TAS2R1: variants seen among roughly 807,000 people sequenced by gnomAD.
The protein encoded by TAS2R1 is taste receptor type 2 member 1.
For synonymous variants in TAS2R1, 141 were observed against 134.2 expected (o/e 1.05, Z -0.35); for missense variants, 370 against 353.4 (o/e 1.05, Z -0.38).
the TAS2R1 span, among the ~76,000 whole-genome samples, chr5:9,751,064 G>A: frequency 6.6e-6 from 1 of 151,476 alleles, no homozygotes; most frequent in Non-Finnish European, 1.5e-5. Context: ...CTGGAGTCAG[G>A]AGCTGGATGT....
chr5:9,759,354 A>G, the TAS2R1 span, among the ~76,000 whole-genome samples: 1 of 151,912 alleles, frequency 6.6e-6, no homozygotes. Context: ...CAGGATGCAC[A>G]CTCTTTGAGG....
At chr5:9,669,546 A>G (rs918882009) in intron 1 of TAS2R1, among the ~76,000 whole-genome samples, 1 of 152,170 alleles carries the variant, frequency 6.6e-6, no homozygotes, top group African/African-American at 2.4e-5. Flanking sequence ...AACAACCAAA[A>G]TTATACCAAA....
chr5:9,902,982 T>C, the TAS2R1 span, among the ~76,000 whole-genome samples: 1 of 152,012 alleles, frequency 6.6e-6, no homozygotes, highest in East Asian at 1.9e-4. Context: ...TAAGTGTATA[T>C]ATTTCTGGTG....
At chr5:9,727,194 A>T in the TAS2R1 span, among the ~76,000 whole-genome samples, 2 of 152,194 alleles carry the variant, frequency 1.3e-5, no homozygotes, top group African/African-American at 4.8e-5. Context: ...TTTCTTCCTC[A>T]TTCCATCCTT....
chr5:9,679,168 G>A (rs1177798630), intron 1 of TAS2R1, among the ~76,000 whole-genome samples: 1 of 152,166 alleles, frequency 6.6e-6, no homozygotes, highest in African/African-American at 2.4e-5. Flanking sequence ...AAAGTATAAG[G>A]ATGGTAAAAT....
chr5:9,743,258 T>C, the TAS2R1 span, among the ~76,000 whole-genome samples: 1 of 152,172 alleles, frequency 6.6e-6, no homozygotes, highest in Admixed American at 6.5e-5. Flanking sequence ...TGGATGCTAA[T>C]GAAATAGGGA....
chr5:9,818,933 A>G, the TAS2R1 span, among the ~76,000 whole-genome samples: 1 of 152,224 alleles, frequency 6.6e-6, no homozygotes. Context: ...CAGCTCACAC[A>G]GTTAATCTTC....
At chr5:9,643,981 T>C (rs919514310) in intron 2 of TAS2R1, among the ~76,000 whole-genome samples, 3 of 151,918 alleles carry the variant, frequency 2.0e-5, no homozygotes, top group Admixed American at 6.6e-5. Flanking sequence ...CCCCATCCCA[T>C]CAATAAAAGA....
chr5:9,800,262 A>C, the TAS2R1 span, among the ~76,000 whole-genome samples: 58 of 152,334 alleles, frequency 3.8e-4, no homozygotes, highest in East Asian at 9.1e-3. Context: ...AATAGTGTAG[A>C]CATTGAAAAA....
the TAS2R1 span, among the ~76,000 whole-genome samples, chr5:9,874,009 AG>A: frequency 3.3e-5 from 5 of 150,264 alleles, no homozygotes; most frequent in Non-Finnish European, 7.4e-5. Context: ...GAAGAAAGGA[AG>A]GAAGGGAGGG....
At chr5:9,834,201 C>G in the TAS2R1 span, among the ~76,000 whole-genome samples, 10 of 152,322 alleles carry the variant, frequency 6.6e-5, no homozygotes, top group Non-Finnish European at 1.3e-4. Flanking sequence ...GGGAGCTGGG[C>G]GCACTGACTT....
the TAS2R1 span, among the ~76,000 whole-genome samples, chr5:9,751,278 C>T: frequency 6.6e-6 from 1 of 151,230 alleles, no homozygotes; most frequent in South Asian, 2.1e-4. Context: ...AACCCTCCCC[C>T]ACCCCCACCA....
At chr5:9,703,140 G>C (rs1201821746) in intron 1 of TAS2R1, among the ~76,000 whole-genome samples, 1 of 152,084 alleles carries the variant, frequency 6.6e-6, no homozygotes, top group Non-Finnish European at 1.5e-5. Flanking sequence ...CATAATACCA[G>C]AATTAAGGGC....
chr5:9,643,667 A>C (rs1449656948), intron 2 of TAS2R1, among the ~76,000 whole-genome samples: 1 of 152,170 alleles, frequency 6.6e-6, no homozygotes, highest in Non-Finnish European at 1.5e-5. Context: ...ACTCCATTAA[A>C]ATCTCATGGA....
intron 1 of TAS2R1, among the ~76,000 whole-genome samples, chr5:9,706,943 A>T (rs531446375): frequency 7.9e-5 from 12 of 152,132 alleles, no homozygotes; most frequent in Non-Finnish European, 1.6e-4. Context: ...TTTTTTAAAA[A>T]ATATTTTTCT....
the TAS2R1 span, among the ~76,000 whole-genome samples, chr5:9,820,237 C>A: frequency 2.6e-5 from 4 of 152,098 alleles, no homozygotes; most frequent in Non-Finnish European, 4.4e-5. Context: ...CTGGAAGATT[C>A]CATCTCTATT....
rs987000274 is a variant in TAS2R1 at position 9,627,447 on chromosome 5, G to A, written c.*1686C>T. On this transcript the variant is annotated 3_prime_UTR_variant, in exon 1 of 1. Transcript: ENST00000382492. ...CTTAATAGTTATCTAATTAGCTAAC[G>A]TTATTAAAGCAGGAGTTGCATGAAA... Among the ~76,000 whole-genome samples, 6 of 151,936 alleles carry A rather than the reference G, an allele frequency of 3.9e-5. No individual in the cohort carries two copies. Among genetic ancestry groups the A allele is most frequent in the Admixed American group, 6.6e-5 (1 of 15,266 alleles).
chr5:9,771,253 T>C, the TAS2R1 span, among the ~76,000 whole-genome samples: 1 of 152,334 alleles, frequency 6.6e-6, no homozygotes, highest in African/African-American at 2.4e-5. Context: ...GGCAAAGTTT[T>C]TTCAGCATCA....
chr5:9,674,329 G>A (rs1740828100), intron 1 of TAS2R1, among the ~76,000 whole-genome samples: 1 of 152,096 alleles, frequency 6.6e-6, no homozygotes. Flanking sequence ...ATAAACAATA[G>A]TATATCAACC....
Sources: gnomAD v4.1 joint callset for allele counts (sites outside exome capture counted in the v4.1 genomes callset) on GRCh38, gnomAD v4.1.1 for gene constraint, MANE v1.5 for transcripts, NCBI Gene and HGNC (gene_info 2026-07-23, HGNC 2026-07-21) for gene names.